MAP7: variants seen among roughly 807,000 people sequenced by gnomAD.
The protein encoded by MAP7 is ensconsin.
In MAP7, 52 loss-of-function variants were observed where a neutral mutation model predicts 94.8. The observed-to-expected ratio is 0.55, with a 90% CI of 0.44 to 0.69. The LOEUF (loss-of-function observed/expected upper bound fraction) is 0.69. Among genes scored for constraint, MAP7 ranks in the 30% least tolerant of loss-of-function variants. The pLI is 0.00. For synonymous variants in MAP7, 350 were observed against 357.0 expected (o/e 0.98, Z 0.22); for missense variants, 940 against 964.6 (o/e 0.97, Z 0.34).
chr6:136,458,104 C>T (rs750603289), intron 1 of MAP7, among the ~76,000 whole-genome samples: 3 of 152,108 alleles, frequency 2.0e-5, no homozygotes, highest in Non-Finnish European at 2.9e-5. Context: ...ACCAAATCAA[C>T]ATACAAAAAC....
chr6:136,353,665 C>T (rs1789881913), intron 16 of MAP7, among the ~76,000 whole-genome samples: 1 of 152,124 alleles, frequency 6.6e-6, no homozygotes, highest in Non-Finnish European at 1.5e-5. Flanking sequence ...GTGATCTTCC[C>T]ACCTCAGCCC....
chr6:136,527,558 G>A (rs1163125065), intron 1 of MAP7, among the ~76,000 whole-genome samples: 1 of 152,134 alleles, frequency 6.6e-6, no homozygotes. Context: ...CAGTGCCTCC[G>A]TTTTCTCTGT....
chr6:136,524,477 G>C (rs768608266), intron 1 of MAP7, among the ~76,000 whole-genome samples: 4 of 152,136 alleles, frequency 2.6e-5, no homozygotes, highest in Non-Finnish European at 5.9e-5. Context: ...ACACACTCTG[G>C]TTCAATGATG....
At chr6:136,356,830 T>G in intron 15 of MAP7, 36 bp from the exon 16 acceptor site, 1 of 1,534,018 alleles carries the variant, frequency 6.5e-7, no homozygotes, top group Non-Finnish European at 9.0e-7. Flanking sequence ...ACAGGGTTAC[T>G]AATATTCTTT....
chr6:136,483,399 C>A (rs1813565349), intron 1 of MAP7, among the ~76,000 whole-genome samples: 1 of 151,946 alleles, frequency 6.6e-6, no homozygotes, highest in South Asian at 2.1e-4. Context: ...AAAATACTAC[C>A]TATTGGGTAC....
chr6:136,477,873 A>G (rs999094499), intron 1 of MAP7, among the ~76,000 whole-genome samples: 1 of 152,216 alleles, frequency 6.6e-6, no homozygotes, highest in Non-Finnish European at 1.5e-5. Flanking sequence ...TCCTCAGCAC[A>G]TGGATCATTC....
intron 1 of MAP7, among the ~76,000 whole-genome samples, chr6:136,549,048 T>C (rs866235584): frequency 6.6e-6 from 1 of 152,252 alleles, no homozygotes; most frequent in Admixed American, 6.5e-5. Flanking sequence ...TCAAGATACT[T>C]TGTCAGTCTT....
At chr6:136,360,645 G>A (rs1792353482) in intron 13 of MAP7, 52 bp downstream of exon 13, 2 of 1,523,546 alleles carry the variant, frequency 1.3e-6, no homozygotes, top group East Asian at 2.3e-5. Flanking sequence ...TAGTCTCTGG[G>A]TCTTAGAGGT....
chr6:136,375,739 T>C (rs1216387531), intron 7 of MAP7, among the ~76,000 whole-genome samples: 1 of 152,172 alleles, frequency 6.6e-6, no homozygotes, highest in Non-Finnish European at 1.5e-5. Context: ...AACAGGCAGC[T>C]CAAGTAAAGG....
intron 16 of MAP7, among the ~76,000 whole-genome samples, chr6:136,348,846 T>A (rs1788373366): frequency 6.6e-6 from 1 of 151,978 alleles, no homozygotes; most frequent in African/African-American, 2.4e-5. Context: ...TACCAAAAAC[T>A]TCTTATTTAA....
chr6:136,454,192 A>G (rs949002788), intron 1 of MAP7, among the ~76,000 whole-genome samples: 2 of 152,176 alleles, frequency 1.3e-5, no homozygotes, highest in Non-Finnish European at 2.9e-5. Context: ...GAATTCATTC[A>G]TCATTGGACC....
intron 1 of MAP7, among the ~76,000 whole-genome samples, chr6:136,546,776 G>A (rs1392556274): frequency 6.6e-6 from 1 of 152,104 alleles, no homozygotes; most frequent in East Asian, 1.9e-4. Context: ...TCAATACGAG[G>A]CCCGAGTTTT....
intron 1 of MAP7, among the ~76,000 whole-genome samples, chr6:136,428,377 G>A (rs572265985): frequency 6.6e-5 from 10 of 152,220 alleles, no homozygotes; most frequent in African/African-American, 1.7e-4. Flanking sequence ...TTAGCCAGGC[G>A]TGGTGGTGCA....
intron 1 of MAP7, among the ~76,000 whole-genome samples, chr6:136,470,844 G>GAA (rs3040713): frequency 0.016 from 2,368 of 149,150 alleles, 84 homozygotes; most frequent in East Asian, 0.14. Flanking sequence ...CACTTCCTCT[G>GAA]AAAAAAAAAA....
At chr6:136,495,453 TACACACACACAC>T (rs55923280) in intron 1 of MAP7, among the ~76,000 whole-genome samples, 5 of 142,932 alleles carry the variant, frequency 3.5e-5, no homozygotes, top group Non-Finnish European at 7.8e-5. Context: ...AGTGTGAGAA[TACACACACACAC>T]ACACACACAC....
chr6:136,464,052 A>G (rs1394326097), intron 1 of MAP7, among the ~76,000 whole-genome samples: 1 of 152,232 alleles, frequency 6.6e-6, no homozygotes, highest in African/African-American at 2.4e-5. Context: ...GGCCTCACCC[A>G]GGCTTCAGAC....
At chr6:136,484,997 T>C (rs1005302637) in intron 1 of MAP7, among the ~76,000 whole-genome samples, 3 of 152,226 alleles carry the variant, frequency 2.0e-5, no homozygotes, top group South Asian at 2.1e-4. Flanking sequence ...CCCAGACCCA[T>C]GTTCAACGAT....
chr6:136,544,066 T>C (rs749168704), intron 1 of MAP7, among the ~76,000 whole-genome samples: 1 of 151,974 alleles, frequency 6.6e-6, no homozygotes, highest in Non-Finnish European at 1.5e-5. Context: ...GGATTACAGA[T>C]GTATGCCACG....
chr6:136,493,009 A>G (rs2128993107), intron 1 of MAP7, among the ~76,000 whole-genome samples: 1 of 152,196 alleles, frequency 6.6e-6, no homozygotes, highest in East Asian at 1.9e-4. Context: ...AATTCTTTTG[A>G]ATAAAATAAT....
Sources: gnomAD v4.1 joint callset for allele counts (sites outside exome capture counted in the v4.1 genomes callset) on GRCh38, gnomAD v4.1.1 for gene constraint, MANE v1.5 for transcripts, NCBI Gene and HGNC (gene_info 2026-07-23, HGNC 2026-07-21) for gene names.